Variants in RGS22 observed in about 807,000 individuals in gnomAD.
RGS22 encodes the protein regulator of G-protein signaling 22.
A neutral mutation model predicts 172.9 loss-of-function variants in RGS22; 148 were observed. That is an observed-to-expected ratio of 0.86 (90% confidence interval 0.75 to 0.98). The LOEUF (loss-of-function observed/expected upper bound fraction) is 0.98, where lower values mean the gene tolerates loss of function less well. Among genes scored for constraint, RGS22 ranks in the 50% least tolerant of loss-of-function variants. The probability of loss-of-function intolerance (pLI) is 0.00; values close to 1 mark genes in which losing one functional copy is unlikely to be tolerated. For missense variants in RGS22, 1,347 were observed against 1,440.8 expected (o/e 0.93, Z 1.05); for synonymous variants, 458 against 480.2 (o/e 0.95, Z 0.60).
chr8:100,105,930 C>A lies in RGS22; in HGVS notation c.-9G>T. On this transcript the variant is annotated 5_prime_UTR_variant, in exon 1 of 28. Transcript: ENST00000360863. ...AGCCTCTTCTCGGGCATGCCGTCCCCGCTGCCCGCGCCTGGAGCCCGCGCG... is the reference window on the plus strand; with the variant it reads ...AGCCTCTTCTCGGGCATGCCGTCCCAGCTGCCCGCGCCTGGAGCCCGCGCG... The A allele has an allele frequency of 6.7e-7, 1 of 1,482,358 alleles. No individual in the cohort carries two copies. The highest frequency in any genetic ancestry group is 8.9e-7 in the Non-Finnish European group (1 of 1,119,116). The allele number at this position is 1,482,358 out of a possible 1,614,324, so 91.8% of individuals were successfully genotyped here.
At chr8:100,043,732 C>T (rs62532877) in intron 11 of RGS22, among the ~76,000 whole-genome samples, 38,854 of 151,538 alleles carry the variant, frequency 0.26, 6,247 homozygotes, top group East Asian at 0.43. Context: ...GCCAAGATTG[C>T]GCCACTGCAC....
intron 10 of RGS22, among the ~76,000 whole-genome samples, chr8:100,047,961 CT>C (rs1820899724): frequency 1.2e-5 from 1 of 80,534 alleles, no homozygotes; most frequent in African/African-American, 7.4e-5. Flanking sequence ...TGTGTGTGTA[CT>C]GGGGGGGGGT....
chr8:99,963,356 G>C (rs1295572466), intron 24 of RGS22, among the ~76,000 whole-genome samples: 1 of 152,074 alleles, frequency 6.6e-6, no homozygotes, highest in African/African-American at 2.4e-5. Context: ...GTCAACAAAA[G>C]CTTTACAGAT....
intron 10 of RGS22, among the ~76,000 whole-genome samples, chr8:100,052,060 T>C (rs1377817005): frequency 2.0e-5 from 2 of 98,208 alleles, no homozygotes; most frequent in African/African-American, 8.0e-5. Flanking sequence ...TATATATTTA[T>C]ATATTTATAT....
chr8:100,053,913 C>T (rs541006660), intron 9 of RGS22, among the ~76,000 whole-genome samples: 4 of 152,244 alleles, frequency 2.6e-5, no homozygotes, highest in East Asian at 3.9e-4. Context: ...GGATTACAGG[C>T]GTGAGCCACT....
chr8:100,092,993 C>T (rs1388782300), intron 3 of RGS22, among the ~76,000 whole-genome samples: 1 of 151,986 alleles, frequency 6.6e-6, no homozygotes, highest in Non-Finnish European at 1.5e-5. Context: ...ATATTTTGTC[C>T]TTATTATCTC....
rs187519810 is a variant in RGS22 at position 100,063,690 on chromosome 8, T to C, written c.1078A>G (p.Ile360Val). 7.9e-5 allele frequency: 127 copies of C among 1,614,072 alleles called. No homozygotes were observed. In the East Asian group the frequency reaches 2.0e-3, roughly 25 times the overall value. ...TCACTTAAAAAATTCTTGCCATGAA[T>C]AGACTCAAAACAATCATCAAATGAC... is the stretch of plus-strand genomic sequence containing the variant. Reference protein sequence around the residue: ...KVSFDDCFESIHGKNFLSELV... With the variant: ...KVSFDDCFESVHGKNFLSELV... The change falls in exon 8 of 28, where the codon ATT (isoleucine) becomes GTT (valine). Residue 360 changes from isoleucine to valine, a missense_variant. Physicochemically the swap from Ile to Val is conservative, Grantham distance 29. Coordinates refer to ENST00000360863, the MANE Select transcript of RGS22 (RefSeq NM_015668.5).
intron 20 of RGS22, among the ~76,000 whole-genome samples, chr8:99,993,773 A>G (rs1340633486): frequency 7.9e-5 from 12 of 152,156 alleles, no homozygotes; most frequent in African/African-American, 1.7e-4. Flanking sequence ...TATGAGGCCA[A>G]CGTCATCCTG....
intron 17 of RGS22, chr8:100,003,153 A>C (rs1387972346): frequency 4.2e-6 from 1 of 237,116 alleles, no homozygotes. Context: ...AAAATAACTT[A>C]AGGTATAACT....
intron 9 of RGS22, among the ~76,000 whole-genome samples, chr8:100,059,176 T>C (rs1189129919): frequency 1.3e-5 from 2 of 151,340 alleles, no homozygotes; most frequent in Non-Finnish European, 2.9e-5. Context: ...AGAAACTAAA[T>C]CATATCAACA....
chr8:100,094,616 G>T (rs1158886398), intron 2 of RGS22, among the ~76,000 whole-genome samples: 1 of 152,088 alleles, frequency 6.6e-6, no homozygotes, highest in Non-Finnish European at 1.5e-5. Flanking sequence ...AACAAACTAA[G>T]GATTTAATAA....
chr8:100,005,974 C>T, intron 16 of RGS22, 43 bp downstream of exon 16: 1 of 1,486,528 alleles, frequency 6.7e-7, no homozygotes, highest in Non-Finnish European at 9.4e-7. Context: ...GTAACCCTCT[C>T]CAGGATAAAA....
At chr8:100,093,744 T>G (rs1026521703) in intron 2 of RGS22, among the ~76,000 whole-genome samples, 4 of 152,184 alleles carry the variant, frequency 2.6e-5, no homozygotes, top group Non-Finnish European at 5.9e-5. Flanking sequence ...CTTAAAACAC[T>G]TTGCTACTAT....
intron 20 of RGS22, among the ~76,000 whole-genome samples, chr8:99,994,170 C>A (rs183291987): frequency 4.7e-4 from 71 of 152,240 alleles, no homozygotes; most frequent in African/African-American, 1.6e-3. Flanking sequence ...ACTGAATGGG[C>A]AAAAACTGGA....
At chr8:100,009,348 G>A (rs28657984) in intron 14 of RGS22, among the ~76,000 whole-genome samples, 8,220 of 150,816 alleles carry the variant, frequency 0.055, 380 homozygotes, top group African/African-American at 0.13. Context: ...GAACCCGGGC[G>A]GCAGAGATTG....
intron 14 of RGS22, among the ~76,000 whole-genome samples, chr8:100,030,141 T>A (rs1818634844): frequency 6.6e-6 from 1 of 152,222 alleles, no homozygotes; most frequent in South Asian, 2.1e-4. Flanking sequence ...AATGGTGGTC[T>A]CATAATATAA....
At chr8:99,965,260 A>T (rs1212373376) in intron 24 of RGS22, 75 bp downstream of exon 24, 1 of 945,058 alleles carries the variant, frequency 1.1e-6, no homozygotes. Context: ...AGTACTGTAC[A>T]ATGACTGAGT....
At chr8:100,078,238 A>G (rs545877644) in intron 4 of RGS22, among the ~76,000 whole-genome samples, 56 of 151,870 alleles carry the variant, frequency 3.7e-4, no homozygotes, top group Non-Finnish European at 5.0e-4. Flanking sequence ...GATGTATATT[A>G]TTATTATCAT....
rs749876368 is a variant in RGS22 at position 100,062,579 on chromosome 8, A to G, written c.1514+12T>C. ...GAAAGTGAAAGTAAGTAACTGATTC[A>G]TGTTTTCTTACCAATACAGAAGTAA... On this transcript the variant is annotated intron_variant, in intron 9 of 27. Transcript: ENST00000360863. 29 of 1,549,460 alleles carry G rather than the reference A, an allele frequency of 1.9e-5. No homozygotes were observed. Among genetic ancestry groups the G allele is most frequent in the Non-Finnish European group, 2.6e-5 (29 of 1,133,536 alleles).
Sources: allele counts gnomAD v4.1 joint callset (sites outside exome capture counted in the v4.1 genomes callset), GRCh38; gene constraint gnomAD v4.1.1; transcripts MANE v1.5; gene names NCBI Gene and HGNC (gene_info 2026-07-23, HGNC 2026-07-21).